Variants in EXPH5 observed in about 807,000 individuals in gnomAD.
EXPH5 encodes exophilin-5.
A neutral mutation model predicts 41.1 loss-of-function variants in EXPH5; 42 were observed. The ratio of observed to expected loss-of-function variants is 1.02; its 90% confidence interval spans 0.80 to 1.32. The LOEUF (loss-of-function observed/expected upper bound fraction) is 1.32, where lower values mean the gene tolerates loss of function less well. Ranked by LOEUF, EXPH5 falls within the 40% of genes most tolerant of loss-of-function variation. The probability of loss-of-function intolerance (pLI) is 0.00; values close to 1 mark genes in which losing one functional copy is unlikely to be tolerated. For synonymous variants in EXPH5, 798 were observed against 833.5 expected (o/e 0.96, Z 0.73); for missense variants, 2,298 against 2,314.5 (o/e 0.99, Z 0.15).
intron 3 of EXPH5, among the ~76,000 whole-genome samples, chr11:108,535,216 C>T (rs1319961745): frequency 1.3e-5 from 2 of 152,184 alleles, no homozygotes; most frequent in Non-Finnish European, 2.9e-5. Context: ...CTGTGCCTTA[C>T]TTCAAAAGCA....
intron 4 of EXPH5, among the ~76,000 whole-genome samples, chr11:108,521,122 T>A (rs1230245992): frequency 6.6e-6 from 1 of 152,172 alleles, no homozygotes; most frequent in Non-Finnish European, 1.5e-5. Flanking sequence ...TGCTACCCAG[T>A]CCTTGCCTCT....
At chr11:108,531,281 A>G (rs1288671104) in intron 3 of EXPH5, among the ~76,000 whole-genome samples, 1 of 152,158 alleles carries the variant, frequency 6.6e-6, no homozygotes, top group African/African-American at 2.4e-5. Context: ...AAATCTTACA[A>G]TAAGGTGTTA....
chr11:108,550,927 CT>C (rs1224036856), intron 1 of EXPH5, among the ~76,000 whole-genome samples: 1 of 152,096 alleles, frequency 6.6e-6, no homozygotes, highest in Non-Finnish European at 1.5e-5. Context: ...CTCAACATTC[CT>C]ACATCACATC....
At chr11:108,529,723 A>AGC (rs2093824517) in intron 3 of EXPH5, among the ~76,000 whole-genome samples, 1 of 152,076 alleles carries the variant, frequency 6.6e-6, no homozygotes, top group Non-Finnish European at 1.5e-5. Flanking sequence ...AGGTGCCTGT[A>AGC]ATCCTAGCTA....
chr11:108,519,438 G>A (rs192189340), intron 4 of EXPH5, among the ~76,000 whole-genome samples: 55 of 152,194 alleles, frequency 3.6e-4, no homozygotes, highest in African/African-American at 1.2e-3. Context: ...GCTAGAACTC[G>A]TAGTGGACCT....
intron 3 of EXPH5, among the ~76,000 whole-genome samples, chr11:108,530,389 G>A (rs1036919007): frequency 2.6e-5 from 4 of 152,108 alleles, no homozygotes; most frequent in Non-Finnish European, 5.9e-5. Flanking sequence ...TGATAAGGAC[G>A]ATGAAGAGGT....
At chr11:108,606,320 C>T in the EXPH5 span, among the ~76,000 whole-genome samples, 7 of 152,202 alleles carry the variant, frequency 4.6e-5, no homozygotes, top group Non-Finnish European at 7.3e-5. Flanking sequence ...GTTTCCTCCT[C>T]GTGGGCCCTG....
At chr11:108,587,361 C>T (rs946098360) in intron 1 of EXPH5, among the ~76,000 whole-genome samples, 4 of 152,248 alleles carry the variant, frequency 2.6e-5, no homozygotes, top group South Asian at 4.1e-4. Context: ...CTTCACCTGA[C>T]TTTCTTTCGC....
In EXPH5 at chr11:108,593,636, A is replaced by G; in HGVS notation, c.-100T>C. The G allele has an allele frequency of 6.3e-7, 1 of 1,598,350 alleles. No homozygotes were observed. The highest frequency in any genetic ancestry group is 8.5e-7 in the Non-Finnish European group (1 of 1,171,258). On this transcript the variant is annotated 5_prime_UTR_variant, in exon 1 of 6. Transcript: ENST00000265843. ...AGACCAGTTTCACGAACTTGATCCC[A>G]CAGCCAATAATAAGTCCGCCCCTTT...
At chr11:108,592,112 G>A (rs952084737) in intron 1 of EXPH5, among the ~76,000 whole-genome samples, 12 of 152,142 alleles carry the variant, frequency 7.9e-5, no homozygotes, top group African/African-American at 2.9e-4. Flanking sequence ...TTATGCACGT[G>A]GGTGTGTGTG....
intron 1 of EXPH5, among the ~76,000 whole-genome samples, chr11:108,551,829 G>T (rs1406354866): frequency 6.6e-6 from 1 of 152,030 alleles, no homozygotes; most frequent in African/African-American, 2.4e-5. Flanking sequence ...TTCCTCCCAC[G>T]CAGGAATCCA....
At chr11:108,520,565 C>CATTT (rs1016689922) in intron 4 of EXPH5, among the ~76,000 whole-genome samples, 10 of 87,190 alleles carry the variant, frequency 1.1e-4, no homozygotes, top group African/African-American at 7.2e-4. Flanking sequence ...TTTATTTATT[C>CATTT]ATTTATTTAT....
At chr11:108,603,867 T>C in the EXPH5 span, among the ~76,000 whole-genome samples, 3 of 152,202 alleles carry the variant, frequency 2.0e-5, no homozygotes, top group African/African-American at 7.2e-5. Flanking sequence ...CCTTATGGAT[T>C]GACCTGGAGG....
the EXPH5 span, among the ~76,000 whole-genome samples, chr11:108,607,234 A>G: frequency 2.0e-5 from 3 of 152,266 alleles, no homozygotes; most frequent in African/African-American, 7.2e-5. Flanking sequence ...AAAGAATTCT[A>G]GAGTACAATA....
At chr11:108,597,237 G>A (rs1893067), upstream of EXPH5, among the ~76,000 whole-genome samples, 121,105 of 152,040 alleles carry the variant, frequency 0.8, 50,006 homozygotes, top group Non-Finnish European at 0.91. Flanking sequence ...TCACTCTGTT[G>A]GCCAGGCTGG....
intron 1 of EXPH5, among the ~76,000 whole-genome samples, chr11:108,544,831 C>A (rs571612962): frequency 2.6e-5 from 4 of 152,124 alleles, no homozygotes; most frequent in Non-Finnish European, 5.9e-5. Flanking sequence ...TTTGGGCACA[C>A]ACACACAAAA....
intron 4 of EXPH5, among the ~76,000 whole-genome samples, chr11:108,522,900 A>T (rs1306368641): frequency 6.6e-6 from 1 of 151,296 alleles, no homozygotes; most frequent in Non-Finnish European, 1.5e-5. Context: ...TTTTTTTTTA[A>T]GAGACAGGGA....
intron 1 of EXPH5, 27 bp downstream of exon 1, chr11:108,593,391 G>T: frequency 6.3e-7 from 1 of 1,598,070 alleles, no homozygotes; most frequent in Non-Finnish European, 8.6e-7. Flanking sequence ...CCAGGCCCAG[G>T]ACAAAAGAAA....
chr11:108,599,188 T>A, the EXPH5 span, among the ~76,000 whole-genome samples: 2 of 152,172 alleles, frequency 1.3e-5, no homozygotes, highest in Non-Finnish European at 2.9e-5. Context: ...AACTCTTTCC[T>A]CTGGGCAGAA....
Sources: gnomAD v4.1 joint callset for allele counts (sites outside exome capture counted in the v4.1 genomes callset) on GRCh38, gnomAD v4.1.1 for gene constraint, MANE v1.5 for transcripts, NCBI Gene and HGNC (gene_info 2026-07-23, HGNC 2026-07-21) for gene names.